The following LHFPL2 variants were observed in gnomAD, a reference collection of about 807,000 sequenced individuals.
LHFPL2 encodes LHFPL tetraspan subfamily member 2.
LHFPL2 carries 7 observed loss-of-function variants against 17.5 expected under a neutral mutation model. The observed-to-expected ratio is 0.40, with a 90% confidence interval of 0.23 to 0.75. The LOEUF (loss-of-function observed/expected upper bound fraction) is 0.75. Ranked by LOEUF, LHFPL2 falls within the 30% of genes least tolerant of loss-of-function variation. The probability of loss-of-function intolerance (pLI) is 0.37; values close to 1 mark genes in which losing one functional copy is unlikely to be tolerated. For synonymous variants in LHFPL2, 134 were observed against 116.2 expected, an observed-to-expected ratio of 1.15 and a Z score of -0.99; for missense variants, 241 against 294.8, an observed-to-expected ratio of 0.82 and a Z score of 1.34.
At chr5:78,647,683 C>T (rs1181599143) in intron 1 of LHFPL2, among the ~76,000 whole-genome samples, 2 of 152,150 alleles carry the variant, frequency 1.3e-5, no homozygotes, top group African/African-American at 4.8e-5. Flanking sequence ...TGTCTTTACT[C>T]TGGTGTTGCT....
chr5:78,545,365 G>A (rs1396072656), intron 3 of LHFPL2, among the ~76,000 whole-genome samples: 3 of 152,156 alleles, frequency 2.0e-5, no homozygotes, highest in Admixed American at 2.0e-4. Context: ...CATGGTCCAA[G>A]CCTTCAATGA....
intron 4 of LHFPL2, among the ~76,000 whole-genome samples, chr5:78,506,891 G>A (rs2112315716): frequency 6.6e-6 from 1 of 152,284 alleles, no homozygotes; most frequent in Middle Eastern, 3.4e-3. Flanking sequence ...TTTTTGAGAT[G>A]CTGCATAAGT....
intron 2 of LHFPL2, among the ~76,000 whole-genome samples, chr5:78,581,284 T>C (rs1010209274): frequency 6.6e-6 from 1 of 152,182 alleles, no homozygotes; most frequent in African/African-American, 2.4e-5. Context: ...ACCCTTTATT[T>C]CCTTCCCCTG....
intron 1 of LHFPL2, chr5:78,644,615 C>T (rs341927): frequency 0.59 from 237,672 of 401,112 alleles, 71,165 homozygotes; most frequent in African/African-American, 0.73. Flanking sequence ...TTAGGAAGGA[C>T]ATAGGTTTTC....
At chr5:78,606,779 A>G (rs1016586024) in intron 2 of LHFPL2, among the ~76,000 whole-genome samples, 2 of 152,022 alleles carry the variant, frequency 1.3e-5, no homozygotes, top group African/African-American at 4.8e-5. Context: ...GGTTCAAGCA[A>G]TTCTCCTGCC....
intron 4 of LHFPL2, among the ~76,000 whole-genome samples, chr5:78,501,690 G>T (rs193222356): frequency 1.3e-5 from 2 of 152,266 alleles, no homozygotes; most frequent in East Asian, 3.9e-4. Flanking sequence ...GTGTAGCTGG[G>T]ACCACAGGCA....
At chr5:78,575,503 T>G (rs961128257) in intron 2 of LHFPL2, among the ~76,000 whole-genome samples, 1 of 151,786 alleles carries the variant, frequency 6.6e-6, no homozygotes, top group Non-Finnish European at 1.5e-5. Flanking sequence ...GAGCCAAGAT[T>G]GCGCCACTGC....
chr5:78,644,511 G>T, intron 1 of LHFPL2: 2 of 599,652 alleles, frequency 3.3e-6, no homozygotes, highest in South Asian at 4.0e-5. Context: ...GTTCTGCTTT[G>T]ATTTTTGGGC....
chr5:78,496,402 T>C (rs1754607660), intron 4 of LHFPL2, among the ~76,000 whole-genome samples: 2 of 152,222 alleles, frequency 1.3e-5, no homozygotes, highest in African/African-American at 2.4e-5. Flanking sequence ...TAGCTGGCCA[T>C]TGGCCCTTTT....
At chr5:78,493,036 C>T (rs1580740845) in intron 4 of LHFPL2, among the ~76,000 whole-genome samples, 4 of 152,364 alleles carry the variant, frequency 2.6e-5, no homozygotes, top group Non-Finnish European at 5.9e-5. Flanking sequence ...TATGATCCCT[C>T]ACCTGTAAAA....
chr5:78,530,333 A>C (rs1755745287), intron 3 of LHFPL2, among the ~76,000 whole-genome samples: 1 of 152,224 alleles, frequency 6.6e-6, no homozygotes, highest in Non-Finnish European at 1.5e-5. Context: ...TTTCACATAT[A>C]CATGTGGCTT....
intron 2 of LHFPL2, among the ~76,000 whole-genome samples, chr5:78,620,323 C>A (rs1162290170): frequency 6.6e-6 from 1 of 151,522 alleles, no homozygotes; most frequent in Non-Finnish European, 1.5e-5. Context: ...AGTGTCTGTT[C>A]ATGTCCTTCG....
At chr5:78,587,796 G>T (rs926001822) in intron 2 of LHFPL2, among the ~76,000 whole-genome samples, 4 of 152,326 alleles carry the variant, frequency 2.6e-5, no homozygotes, top group African/African-American at 9.6e-5. Context: ...GTCTGAAGGT[G>T]GCCCAAGCCC....
At chr5:78,569,512 C>T (rs1756941543) in intron 2 of LHFPL2, among the ~76,000 whole-genome samples, 1 of 152,152 alleles carries the variant, frequency 6.6e-6, no homozygotes, top group South Asian at 2.1e-4. Flanking sequence ...AATGCATTCT[C>T]TGACAACAGG....
chr5:78,573,015 C>T (rs1333110558), intron 2 of LHFPL2, among the ~76,000 whole-genome samples: 1 of 152,178 alleles, frequency 6.6e-6, no homozygotes, highest in Non-Finnish European at 1.5e-5. Flanking sequence ...GGCCGTAATG[C>T]TCGCTCGCCT....
At chr5:78,523,828 T>C (rs1755535535) in intron 3 of LHFPL2, among the ~76,000 whole-genome samples, 1 of 151,964 alleles carries the variant, frequency 6.6e-6, no homozygotes, top group Non-Finnish European at 1.5e-5. Context: ...AAGAAAAAAG[T>C]CCCAAGCAGT....
In LHFPL2 at chr5:78,648,655, G is replaced by A; in HGVS notation, c.-506C>T. The A allele has an allele frequency of 6.6e-6, 1 of 152,166 alleles. No homozygotes were observed. Among genetic ancestry groups the A allele is most frequent in the Non-Finnish European group, 1.5e-5 (1 of 68,082 alleles). 9.4% of individuals were successfully genotyped at this position (152,166 alleles called of 1,614,324 possible). On this transcript the variant is annotated 5_prime_UTR_variant, in exon 1 of 5. Coordinates refer to ENST00000380345, the MANE Select transcript of LHFPL2 (RefSeq NM_005779.3). The surrounding 1 kb of genome is among the most constrained non-coding windows in gnomAD (Gnocchi z 5.4). ...AGCGAGAGGAGAGCGGGAGGAGGCG[G>A]CGGGAGAGGGGGGCAACGCAAGGGA...
chr5:78,512,476 A>T (rs1368548907), intron 3 of LHFPL2, among the ~76,000 whole-genome samples: 1 of 151,620 alleles, frequency 6.6e-6, no homozygotes, highest in Non-Finnish European at 1.5e-5. Context: ...TCCTCCAGAT[A>T]GTACCAAACA....
chr5:78,523,457 G>A (rs548865805), intron 3 of LHFPL2, among the ~76,000 whole-genome samples: 2 of 152,264 alleles, frequency 1.3e-5, no homozygotes, highest in African/African-American at 2.4e-5. Flanking sequence ...AAGAAGGCGG[G>A]AGGACCAGAA....
Sources: gnomAD v4.1 joint callset for allele counts (sites outside exome capture counted in the v4.1 genomes callset) on GRCh38, gnomAD v4.1.1 for gene constraint, Gnocchi (gnomAD v3.1) non-coding constraint, MANE v1.5 for transcripts, NCBI Gene and HGNC (gene_info 2026-07-23, HGNC 2026-07-21) for gene names.